Variants in NXPH1 observed in about 807,000 individuals in gnomAD.
NXPH1 encodes neurexophilin-1.
In NXPH1, 5 loss-of-function variants were observed where a neutral mutation model predicts 23.7. That is an observed-to-expected ratio of 0.21 (90% CI 0.11 to 0.44). The LOEUF is 0.44. NXPH1 is among the 20% of genes least tolerant of loss of function. The pLI is 0.99. For missense variants in NXPH1, 324 were observed against 321.6 expected, an observed-to-expected ratio of 1.01 and a Z score of -0.06; for synonymous variants, 144 against 122.2, an observed-to-expected ratio of 1.18 and a Z score of -1.18.
chr7:8,556,396 C>A (rs1818359282), intron 2 of NXPH1, among the ~76,000 whole-genome samples: 1 of 151,670 alleles, frequency 6.6e-6, no homozygotes, highest in Non-Finnish European at 1.5e-5. Context: ...CAAGATTGCT[C>A]ACTCACCTGG....
At chr7:8,455,150 T>C (rs1584165806) in intron 2 of NXPH1, among the ~76,000 whole-genome samples, 1 of 152,032 alleles carries the variant, frequency 6.6e-6, no homozygotes, top group Admixed American at 6.6e-5. Context: ...GACTGCCATA[T>C]GAATCAATGA....
At chr7:8,706,468 G>C (rs886505162) in intron 2 of NXPH1, among the ~76,000 whole-genome samples, 1 of 152,184 alleles carries the variant, frequency 6.6e-6, no homozygotes, top group Non-Finnish European at 1.5e-5. Context: ...AGAAAAACTC[G>C]ATTGAGGTAC....
At chr7:8,674,119 A>T (rs988546582) in intron 2 of NXPH1, among the ~76,000 whole-genome samples, 8 of 151,610 alleles carry the variant, frequency 5.3e-5, no homozygotes, top group Non-Finnish European at 1.0e-4. Context: ...ATTTTTTGTA[A>T]GGTACATTTT....
In NXPH1 at chr7:8,622,688, A is replaced by G. The variant is rs535267517; in HGVS notation, c.55-128320A>G. ...CAACAAGTCAGGATAACAAATATTT[A>G]TTGAATACCAATTTATTAGGTAAAA... On this transcript the variant is annotated intron_variant, in intron 2 of 2. Transcript: ENST00000405863. 5.3e-5 allele frequency among the ~76,000 whole-genome samples: 8 copies of G among 152,358 alleles called. No individual in the cohort carries two copies. In the South Asian group the frequency reaches 1.7e-3, roughly 32 times the overall value.
At chr7:8,525,360 TA>T in intron 2 of NXPH1, among the ~76,000 whole-genome samples, 1 of 152,256 alleles carries the variant, frequency 6.6e-6, no homozygotes, top group South Asian at 2.1e-4. Flanking sequence ...TTCAGTTTTA[TA>T]AAAGAAGCAA....
At chr7:8,613,962 T>C (rs1006508201) in intron 2 of NXPH1, among the ~76,000 whole-genome samples, 1 of 151,850 alleles carries the variant, frequency 6.6e-6, no homozygotes, top group African/African-American at 2.4e-5. Context: ...CAACGACTAA[T>C]ATTGTTTTAA....
chr7:8,634,037 T>G (rs996541129), intron 2 of NXPH1, among the ~76,000 whole-genome samples: 1 of 152,156 alleles, frequency 6.6e-6, no homozygotes, highest in Non-Finnish European at 1.5e-5. Flanking sequence ...TGTTTGAAAG[T>G]TGAGTCTGAT....
intron 2 of NXPH1, among the ~76,000 whole-genome samples, chr7:8,650,945 T>G (rs1401795230): frequency 6.6e-6 from 1 of 152,248 alleles, no homozygotes; most frequent in East Asian, 1.9e-4. Context: ...AAAGATGGGA[T>G]TTCATTTGAG....
intron 2 of NXPH1, among the ~76,000 whole-genome samples, chr7:8,660,593 A>C (rs1368856694): frequency 3.9e-5 from 6 of 152,230 alleles, no homozygotes; most frequent in Non-Finnish European, 2.9e-5. Context: ...GAGGACAGGA[A>C]ATGTAAATTT....
At chr7:8,575,745 T>C (rs574527351) in intron 2 of NXPH1, among the ~76,000 whole-genome samples, 133 of 143,466 alleles carry the variant, frequency 9.3e-4, no homozygotes, top group African/African-American at 3.6e-3. Context: ...AGGTGAGGCA[T>C]TGGGCAATGA....
At chr7:8,474,640 C>T (rs1011175467) in intron 2 of NXPH1, among the ~76,000 whole-genome samples, 1 of 152,106 alleles carries the variant, frequency 6.6e-6, no homozygotes, top group Admixed American at 6.6e-5. Flanking sequence ...TTGTGAGGAT[C>T]CCTATATCAT....
At chr7:8,562,417 A>C (rs1288999419) in intron 2 of NXPH1, among the ~76,000 whole-genome samples, 1 of 151,728 alleles carries the variant, frequency 6.6e-6, no homozygotes, top group Non-Finnish European at 1.5e-5. Context: ...TAAATGCATG[A>C]TTTTTAATGG....
chr7:8,464,258 T>C (rs540708103), intron 2 of NXPH1, among the ~76,000 whole-genome samples: 9 of 152,304 alleles, frequency 5.9e-5, no homozygotes, highest in African/African-American at 1.9e-4. Flanking sequence ...TTACCAACAA[T>C]GTATGAGAGG....
At chr7:8,690,469 T>C (rs1194237873) in intron 2 of NXPH1, 1 of 152,332 alleles carries the variant, frequency 6.6e-6, no homozygotes, top group East Asian at 1.9e-4. Flanking sequence ...TGTGTTAATA[T>C]TGGTGATTGA....
At position 8,472,215 on chromosome 7, in the gene NXPH1, C is replaced by T. The variant is rs1176353160; in HGVS notation, c.54+36448C>T. ...TTGTGCTTTGACTTGTACAACAGCTCTGCTTCTGTTTGACTTTGTTCAAGT... is the reference window on the plus strand; with the variant it reads ...TTGTGCTTTGACTTGTACAACAGCTTTGCTTCTGTTTGACTTTGTTCAAGT... On this transcript the variant is annotated intron_variant, in intron 2 of 2. Coordinates refer to ENST00000405863, the MANE Select transcript of NXPH1 (RefSeq NM_152745.3). Among the ~76,000 whole-genome samples the T allele has an allele frequency of 2.0e-5, 3 of 152,122 alleles. No homozygotes were observed. The East Asian group carries it at 5.8e-4, about 29-fold the overall frequency.
intron 2 of NXPH1, among the ~76,000 whole-genome samples, chr7:8,746,621 G>A (rs1780474169): frequency 6.6e-6 from 1 of 152,048 alleles, no homozygotes; most frequent in Admixed American, 6.6e-5. Context: ...ATGTTACATT[G>A]TTTGGAGTTC....
At chr7:8,456,256 T>C (rs1816592424) in intron 2 of NXPH1, among the ~76,000 whole-genome samples, 1 of 152,184 alleles carries the variant, frequency 6.6e-6, no homozygotes, top group Admixed American at 6.5e-5. Flanking sequence ...ACACTATGTT[T>C]TTAAGGGAGG....
chr7:8,550,852 A>G (rs773240881), intron 2 of NXPH1, among the ~76,000 whole-genome samples: 3 of 151,554 alleles, frequency 2.0e-5, no homozygotes, highest in Non-Finnish European at 3.0e-5. Context: ...ATAATAACCA[A>G]CTGCACATTG....
chr7:8,607,364 G>T (rs2128628730), intron 2 of NXPH1, among the ~76,000 whole-genome samples: 1 of 152,142 alleles, frequency 6.6e-6, no homozygotes, highest in Non-Finnish European at 1.5e-5. Flanking sequence ...TACTTTTCTT[G>T]GATCGTGTCA....
Sources: allele counts gnomAD v4.1 joint callset (sites outside exome capture counted in the v4.1 genomes callset), GRCh38; gene constraint gnomAD v4.1.1; transcripts MANE v1.5; gene names NCBI Gene and HGNC (gene_info 2026-07-23, HGNC 2026-07-21).